CYP39A1: variants seen among roughly 807,000 people sequenced by gnomAD.
CYP39A1 encodes 24-hydroxycholesterol 7-alpha-hydroxylase.
Under a neutral mutation model 58.1 loss-of-function variants are expected in CYP39A1, and 49 were observed. The observed-to-expected ratio is 0.84, with a 90% CI of 0.67 to 1.07. CYP39A1 has a LOEUF of 1.07. CYP39A1 is among the 50% of genes least tolerant of loss of function. The pLI, the probability that CYP39A1 is intolerant of heterozygous loss-of-function variation, is 0.00. For missense variants in CYP39A1, 531 were observed against 539.4 expected, an observed-to-expected ratio of 0.98 and a Z score of 0.16; for synonymous variants, 209 against 187.6, an observed-to-expected ratio of 1.11 and a Z score of -0.93.
At chr6:46,580,378 G>A (rs1485121455) in intron 10 of CYP39A1, among the ~76,000 whole-genome samples, 1 of 152,148 alleles carries the variant, frequency 6.6e-6, no homozygotes, top group Non-Finnish European at 1.5e-5. Context: ...AGACTTAAAT[G>A]TAAGACCTAA....
chr6:46,551,149 G>A (rs1011562543), intron 11 of CYP39A1, among the ~76,000 whole-genome samples: 12 of 152,052 alleles, frequency 7.9e-5, no homozygotes, highest in African/African-American at 2.9e-4. Context: ...ATCCAATTTA[G>A]AATCAGTCTA....
intron 6 of CYP39A1, among the ~76,000 whole-genome samples, chr6:46,626,209 A>G (rs1775300834): frequency 6.6e-6 from 1 of 152,166 alleles, no homozygotes; most frequent in African/African-American, 2.4e-5. Flanking sequence ...GTATTACAAG[A>G]TAAAATCATA....
intron 1 of CYP39A1, among the ~76,000 whole-genome samples, chr6:46,647,732 T>A (rs1477431555): frequency 6.6e-6 from 1 of 152,252 alleles, no homozygotes; most frequent in Non-Finnish European, 1.5e-5. Flanking sequence ...TTTCCAGTGA[T>A]GATGAGCATT....
At chr6:46,595,897 C>T in intron 8 of CYP39A1, 90 bp downstream of exon 8, 1 of 1,210,434 alleles carries the variant, frequency 8.3e-7, no homozygotes, top group Non-Finnish European at 1.2e-6. Context: ...AAAAATAAAT[C>T]AAGATATGTC....
chr6:46,652,334 G>C (rs1762748010), intron 1 of CYP39A1, 72 bp downstream of exon 1: 3 of 1,438,356 alleles, frequency 2.1e-6, no homozygotes, highest in East Asian at 2.3e-5. Flanking sequence ...CTGCACTTAA[G>C]AGTCAATGAA....
intron 10 of CYP39A1, among the ~76,000 whole-genome samples, chr6:46,567,811 T>C (rs1771377781): frequency 6.6e-6 from 1 of 152,036 alleles, no homozygotes; most frequent in African/African-American, 2.4e-5. Flanking sequence ...ATGGTTAAGG[T>C]TTACTGGGGC....
intron 7 of CYP39A1, among the ~76,000 whole-genome samples, chr6:46,611,088 C>T (rs1307977096): frequency 6.6e-6 from 1 of 152,222 alleles, no homozygotes; most frequent in African/African-American, 2.4e-5. Flanking sequence ...GCCTGGCAAA[C>T]CACACATGTT....
chr6:46,581,146 G>A (rs1002544444), intron 10 of CYP39A1, among the ~76,000 whole-genome samples: 17 of 152,308 alleles, frequency 1.1e-4, no homozygotes, highest in African/African-American at 3.8e-4. Flanking sequence ...AGTGGCTCAT[G>A]CCTGTAATCT....
intron 7 of CYP39A1, among the ~76,000 whole-genome samples, chr6:46,620,626 G>A (rs890475614): frequency 6.6e-6 from 1 of 152,046 alleles, no homozygotes; most frequent in African/African-American, 2.4e-5. Context: ...GGAAAGACAT[G>A]AGAAGGCCAC....
At chr6:46,553,073 CAAAAAA>C (rs34991519) in intron 11 of CYP39A1, among the ~76,000 whole-genome samples, 3 of 81,408 alleles carry the variant, frequency 3.7e-5, no homozygotes, top group Non-Finnish European at 7.4e-5. Context: ...ACCCCCCAAC[CAAAAAA>C]AAAAAAAAAA....
chr6:46,572,605 G>A (rs1181855567), intron 10 of CYP39A1, among the ~76,000 whole-genome samples: 1 of 151,988 alleles, frequency 6.6e-6, no homozygotes, highest in African/African-American at 2.4e-5. Flanking sequence ...CTTTGTCTTT[G>A]ACTTTTGGCA....
chr6:46,607,818 C>G (rs189841931), intron 7 of CYP39A1, among the ~76,000 whole-genome samples: 5 of 152,182 alleles, frequency 3.3e-5, no homozygotes, highest in Admixed American at 3.3e-4. Context: ...GAGTGCAACC[C>G]CAACACAGTT....
At position 46,550,330 on chromosome 6, in the gene CYP39A1, C is replaced by T; in HGVS notation, c.*36G>A. On this transcript the variant is annotated 3_prime_UTR_variant, in exon 12 of 12. Coordinates refer to ENST00000275016, the MANE Select transcript of CYP39A1 (RefSeq NM_016593.5). ...TGCCAGGTGGGGTAGTGCCACTCCT[C>T]CAGAAGGCCCTGGTCCTTGTGAGGC... The T allele has an allele frequency of 6.3e-7, 1 of 1,591,980 alleles. No individual in the cohort carries two copies. The highest frequency in any genetic ancestry group is 1.1e-5 in the South Asian group (1 of 88,600).
intron 10 of CYP39A1, among the ~76,000 whole-genome samples, chr6:46,570,215 T>A (rs534997968): frequency 2.7e-4 from 41 of 152,292 alleles, no homozygotes; most frequent in Non-Finnish European, 5.0e-4. Flanking sequence ...TTTATTTGTC[T>A]TCTGTCTCTT....
intron 10 of CYP39A1, among the ~76,000 whole-genome samples, chr6:46,564,687 C>T (rs949202624): frequency 5.9e-5 from 9 of 152,212 alleles, no homozygotes; most frequent in African/African-American, 2.2e-4. Flanking sequence ...GACTGAATAC[C>T]TCTGTCACTT....
At chr6:46,586,927 G>C (rs1403621172) in intron 10 of CYP39A1, 150 bp downstream of exon 10, 2 of 638,858 alleles carry the variant, frequency 3.1e-6, no homozygotes, top group Non-Finnish European at 2.8e-6. Context: ...CACTGCACAG[G>C]ACCACAGATA....
In CYP39A1 at chr6:46,613,690, A is replaced by G. The variant is rs534807429; in HGVS notation, c.931+11728T>C. The stretch of plus-strand genomic sequence containing the variant: ...GCAAAAGTGAAAAAAATTCCAGCAC[A>G]TTTTTATTTGTTTGTTTTTTTTTTT... On this transcript the variant is annotated intron_variant, in intron 7 of 11. Transcript: ENST00000275016. Among the ~76,000 whole-genome samples, 4 of 151,120 alleles carry G rather than the reference A, an allele frequency of 2.6e-5. No individual in the cohort carries two copies. The South Asian group carries it at 6.2e-4, about 24-fold the overall frequency.
In CYP39A1 at chr6:46,642,361, T is replaced by A. The variant is rs140591185; in HGVS notation, c.178-63A>T. The stretch of plus-strand genomic sequence containing the variant: ...TCCTAAGCCATGTTTAAGACCATTC[T>A]CCTCAAGAATCCTAATGCTGAAGTT... On this transcript the variant is annotated intron_variant, in intron 1 of 11. Transcript: ENST00000275016. 3,793 of 1,447,544 alleles carry A rather than the reference T, an allele frequency of 2.6e-3. 77 individuals are homozygous for A. The African/African-American group carries it at 0.048, about 18-fold the overall frequency. 89.7% of individuals were successfully genotyped at this position (1,447,544 alleles called of 1,614,324 possible). A position where few individuals can be genotyped will look rare whatever the true frequency, so the allele number is the denominator to read the frequency against.
chr6:46,597,427 G>A (rs1773234731), intron 7 of CYP39A1, among the ~76,000 whole-genome samples: 1 of 151,996 alleles, frequency 6.6e-6, no homozygotes, highest in South Asian at 2.1e-4. Context: ...TCACAGCTAA[G>A]GTAGTTTAAA....
Sources: gnomAD v4.1 joint callset for allele counts (sites outside exome capture counted in the v4.1 genomes callset) on GRCh38, gnomAD v4.1.1 for gene constraint, MANE v1.5 for transcripts, NCBI Gene and HGNC (gene_info 2026-07-23, HGNC 2026-07-21) for gene names.